Variants in PCYOX1 observed in about 807,000 individuals in gnomAD.
PCYOX1 encodes prenylcysteine lyase.
PCYOX1 carries 46 observed loss-of-function variants against 46.4 expected under a neutral mutation model. The ratio of observed to expected loss-of-function variants is 0.99; its 90% confidence interval spans 0.78 to 1.27. PCYOX1 has a LOEUF of 1.27. Ranked by LOEUF, PCYOX1 falls within the 50% of genes most tolerant of loss-of-function variation. The probability of loss-of-function intolerance (pLI) is 0.00; values close to 1 mark genes in which losing one functional copy is unlikely to be tolerated. For synonymous variants in PCYOX1, 220 were observed against 231.8 expected (o/e 0.95, Z 0.46); for missense variants, 658 against 628.3 (o/e 1.05, Z -0.51).
intron 3 of PCYOX1, among the ~76,000 whole-genome samples, chr2:70,270,866 T>C (rs1696592072): frequency 6.6e-6 from 1 of 152,046 alleles, no homozygotes; most frequent in Admixed American, 6.6e-5. Flanking sequence ...CTTGGCTCAC[T>C]GTGCCACTGC....
chr2:70,258,064 G>A, upstream of PCYOX1: 1 of 949,148 alleles, frequency 1.1e-6, no homozygotes, highest in Non-Finnish European at 1.5e-6. Flanking sequence ...GGGCTCGCAG[G>A]GGCTGGGCGG....
chr2:70,275,279 G>T, intron 4 of PCYOX1, 109 bp downstream of exon 4: 1 of 1,015,788 alleles, frequency 9.8e-7, no homozygotes, highest in South Asian at 1.4e-5. Flanking sequence ...TTTTCTCTGT[G>T]AACCTCAGAC....
At chr2:70,276,631 C>T in intron 5 of PCYOX1, 103 bp from the exon 6 acceptor site, 2 of 713,914 alleles carry the variant, frequency 2.8e-6, no homozygotes, top group Non-Finnish European at 2.3e-6. Context: ...ATAACTTCTT[C>T]AATTCTTTAG....
chr2:70,267,517 C>T (rs896438411), intron 3 of PCYOX1, among the ~76,000 whole-genome samples: 9 of 152,126 alleles, frequency 5.9e-5, no homozygotes, highest in Non-Finnish European at 1.0e-4. Flanking sequence ...ACTGAGTGAG[C>T]GACACTCCGT....
chr2:70,261,465 A>C, intron 3 of PCYOX1, 79 bp downstream of exon 3: 3 of 1,014,026 alleles, frequency 3.0e-6, no homozygotes. Flanking sequence ...AGGAATTATG[A>C]TTTCTTGTAA....
chr2:70,260,648 T>C (rs915179567), intron 2 of PCYOX1, among the ~76,000 whole-genome samples: 2 of 152,196 alleles, frequency 1.3e-5, no homozygotes, highest in South Asian at 2.1e-4. Flanking sequence ...AGGAGCTGGA[T>C]AGGTCATGGG....
At chr2:70,271,006 C>T (rs1011559317) in intron 3 of PCYOX1, among the ~76,000 whole-genome samples, 4 of 152,254 alleles carry the variant, frequency 2.6e-5, no homozygotes, top group Non-Finnish European at 2.9e-5. Context: ...GGATTACAGG[C>T]GTGAGCCACT....
chr2:70,259,696 A>G (rs1186350390), intron 2 of PCYOX1, 130 bp downstream of exon 2: 3 of 680,126 alleles, frequency 4.4e-6, no homozygotes, highest in South Asian at 1.7e-5. Flanking sequence ...TGTTTTCCTC[A>G]CTTTCTTGTT....
intron 3 of PCYOX1, among the ~76,000 whole-genome samples, chr2:70,267,204 GA>G (rs1438038481): frequency 7.9e-5 from 12 of 151,800 alleles, no homozygotes; most frequent in Non-Finnish European, 8.8e-5. Flanking sequence ...CGGCGGGGCA[GA>G]GGCGCTCCCC....
intron 3 of PCYOX1, among the ~76,000 whole-genome samples, chr2:70,261,998 G>A (rs945326694): frequency 6.6e-5 from 10 of 152,228 alleles, no homozygotes; most frequent in Non-Finnish European, 1.5e-4. Context: ...TGAGAATTCA[G>A]GTGCCTCTTT....
chr2:70,263,541 G>A (rs1696469706), intron 3 of PCYOX1, among the ~76,000 whole-genome samples: 1 of 152,156 alleles, frequency 6.6e-6, no homozygotes, highest in African/African-American at 2.4e-5. Flanking sequence ...GAAATATATA[G>A]AATTTGCGTA....
intron 4 of PCYOX1, 128 bp downstream of exon 4, chr2:70,275,298 C>T: frequency 1.1e-6 from 1 of 897,284 alleles, no homozygotes; most frequent in Non-Finnish European, 1.8e-6. Context: ...ACATTGTTAG[C>T]AAAATTGTGC....
At chr2:70,266,824 T>A (rs1287880485) in intron 3 of PCYOX1, among the ~76,000 whole-genome samples, 2 of 152,142 alleles carry the variant, frequency 1.3e-5, no homozygotes, top group Non-Finnish European at 1.5e-5. Flanking sequence ...GAAGAATTTC[T>A]CTTACTACAG....
At chr2:70,261,082 C>T in intron 2 of PCYOX1, 130 bp from the exon 3 acceptor site, 4 of 592,826 alleles carry the variant, frequency 6.7e-6, no homozygotes, top group Non-Finnish European at 1.2e-5. Context: ...GTGTTTCACA[C>T]TGTTCCAAAG....
chr2:70,258,331 G>A, intron 1 of PCYOX1, 55 bp downstream of exon 1: 2 of 1,249,842 alleles, frequency 1.6e-6, no homozygotes, highest in Non-Finnish European at 2.2e-6. Context: ...CGCGCCGGGC[G>A]GCCGCTGCGC....
chr2:70,275,275 C>A, intron 4 of PCYOX1, 105 bp downstream of exon 4: 1 of 1,030,408 alleles, frequency 9.7e-7, no homozygotes, highest in Non-Finnish European at 1.5e-6. Context: ...CTACTTTTCT[C>A]TGTGAACCTC....
At position 70,277,431 on chromosome 2, in the gene PCYOX1, C is replaced by T. The variant is rs746195438; in HGVS notation, c.*39C>T. On this transcript the variant is annotated 3_prime_UTR_variant, in exon 6 of 6. Coordinates refer to ENST00000433351, the MANE Select transcript of PCYOX1 (RefSeq NM_016297.4). ...TTTTTCCCCTCCTAGTTCCAAATGA[C>T]TATCAGTGGCAAAAAAGAACAAAAT... 4.1e-6 allele frequency: 6 copies of T among 1,479,078 alleles called. No homozygotes were observed. In the South Asian group the frequency reaches 5.1e-5, roughly 13 times the overall value. The allele number at this position is 1,479,078 out of a possible 1,614,324, so 91.6% of individuals were successfully genotyped here. A position where few individuals can be genotyped will look rare whatever the true frequency, so the allele number is the denominator to read the frequency against.
At position 70,258,269 on chromosome 2, in the gene PCYOX1, TA is replaced by T; in HGVS notation, c.109del (p.Ile37SerfsTer25). 6.3e-7 allele frequency: 1 copy of T among 1,584,716 alleles called. No homozygotes were observed. Among genetic ancestry groups the T allele is most frequent in the Non-Finnish European group, 8.5e-7 (1 of 1,171,820 alleles). On this transcript the variant is annotated frameshift_variant, in exon 1 of 6. Coordinates refer to ENST00000433351, the MANE Select transcript of PCYOX1 (RefSeq NM_016297.4). LOFTEE classifies it high-confidence loss of function. ...GCGCCGAGCTGCGTGCTCCGCCAGATAAAATCGGTAGGCGAGAAGGGGGCGG... is the reference window on the plus strand; with the variant it reads ...GCGCCGAGCTGCGTGCTCCGCCAGATAAATCGGTAGGCGAGAAGGGGGCGG... ...EGAELRAPPD[K>X]IAIIGAGIGG...
In PCYOX1 at chr2:70,280,291, G is replaced by C. The variant is rs1359632744; in HGVS notation, c.*2899G>C. The C allele has an allele frequency of 6.6e-6, 1 of 152,108 alleles. No homozygotes were observed. The highest frequency in any genetic ancestry group is 1.5e-5 in the Non-Finnish European group (1 of 68,020). 9.4% of individuals were successfully genotyped at this position (152,108 alleles called of 1,614,324 possible). On this transcript the variant is annotated 3_prime_UTR_variant, in exon 6 of 6. Coordinates refer to ENST00000433351, the MANE Select transcript of PCYOX1 (RefSeq NM_016297.4). ...AGAACCTGCTACTCTGGGCGCATTAGGTAGTTTTATGCAACTATAGTATTA... is the reference window on the plus strand; with the variant it reads ...AGAACCTGCTACTCTGGGCGCATTACGTAGTTTTATGCAACTATAGTATTA...
Sources: allele counts gnomAD v4.1 joint callset (sites outside exome capture counted in the v4.1 genomes callset), GRCh38; gene constraint gnomAD v4.1.1; transcripts MANE v1.5; gene names NCBI Gene and HGNC (gene_info 2026-07-23, HGNC 2026-07-21).